SMCO2: variants seen among roughly 807,000 people sequenced by gnomAD.
SMCO2 encodes the protein single-pass membrane protein with coiled-coil domains 2.
In SMCO2, 25 loss-of-function variants were observed where a neutral mutation model predicts 29.5. The ratio of observed to expected loss-of-function variants is 0.85; its 90% CI spans 0.62 to 1.18. SMCO2 has a LOEUF of 1.18. Ranked by LOEUF, SMCO2 falls within the 50% of genes most tolerant of loss-of-function variation. SMCO2 has a pLI of 0.00. For synonymous variants in SMCO2, 117 were observed against 123.3 expected, an observed-to-expected ratio of 0.95 and a Z score of 0.34; for missense variants, 348 against 344.5, an observed-to-expected ratio of 1.01 and a Z score of -0.08.
exon 2 of SMCO2, chr12:27,470,704 C>T: frequency 6.4e-7 from 1 of 1,551,192 alleles, no homozygotes; most frequent in Non-Finnish European, 8.7e-7. Flanking sequence ...GGAACAACAG[C>T]TGACTAAGAA....
chr12:27,475,593 G>C, intron 4 of SMCO2: 1 of 1,539,542 alleles, frequency 6.5e-7, no homozygotes, highest in African/African-American at 1.4e-5. Flanking sequence ...TGTCTGAAGG[G>C]CATGTTCCTC....
chr12:27,430,304 G>A, the SMCO2 span, among the ~76,000 whole-genome samples: 1 of 152,132 alleles, frequency 6.6e-6, no homozygotes, highest in Admixed American at 6.5e-5. Flanking sequence ...TTTCCATTAT[G>A]TGATAGTATA....
chr12:27,485,839 G>T (rs180901547), intron 4 of SMCO2, among the ~76,000 whole-genome samples: 1 of 152,084 alleles, frequency 6.6e-6, no homozygotes, highest in Non-Finnish European at 1.5e-5. Context: ...ACCTCATTTG[G>T]TTTTGAGTAT....
At chr12:27,493,211 A>G (rs1319934349) in intron 5 of SMCO2, among the ~76,000 whole-genome samples, 1 of 152,126 alleles carries the variant, frequency 6.6e-6, no homozygotes. Context: ...AGAAGAGGAG[A>G]AGGGGTAACT....
At chr12:27,457,207 G>A in the SMCO2 span, among the ~76,000 whole-genome samples, 5 of 152,022 alleles carry the variant, frequency 3.3e-5, no homozygotes, top group African/African-American at 9.7e-5. Context: ...TCCCCAGGCC[G>A]CACACATTAC....
intron 1 of SMCO2, 64 bp from the exon 2 acceptor site, chr12:27,470,558 T>C (rs754510166): frequency 3.3e-6 from 5 of 1,508,164 alleles, no homozygotes; most frequent in Non-Finnish European, 4.5e-6. Flanking sequence ...CTGGTGTCAA[T>C]GAAGAGGATG....
the SMCO2 span, chr12:27,424,086 G>A: frequency 6.6e-6 from 1 of 152,142 alleles, no homozygotes; most frequent in South Asian, 2.1e-4. Flanking sequence ...ATTAAAATTA[G>A]TTCTACTTGT....
At chr12:27,432,878 T>C in the SMCO2 span, among the ~76,000 whole-genome samples, 2 of 152,230 alleles carry the variant, frequency 1.3e-5, no homozygotes, top group African/African-American at 4.8e-5. Context: ...CCCAGACAAA[T>C]TCTTTCACTG....
At chr12:27,435,455 A>T in the SMCO2 span, among the ~76,000 whole-genome samples, 1 of 150,582 alleles carries the variant, frequency 6.6e-6, no homozygotes, top group South Asian at 2.1e-4. Context: ...GCAGGAAAAA[A>T]ACATTCTCCT....
At chr12:27,447,247 G>A in the SMCO2 span, among the ~76,000 whole-genome samples, 2 of 152,038 alleles carry the variant, frequency 1.3e-5, no homozygotes, top group Admixed American at 6.5e-5. Context: ...ACCACCTCAT[G>A]CCCCACAGTC....
At chr12:27,441,020 G>A in the SMCO2 span, among the ~76,000 whole-genome samples, 2 of 152,184 alleles carry the variant, frequency 1.3e-5, no homozygotes, top group Non-Finnish European at 2.9e-5. Flanking sequence ...TACTTTGGGA[G>A]GCTGAGGTGG....
chr12:27,447,395 C>G, the SMCO2 span, among the ~76,000 whole-genome samples: 1 of 152,086 alleles, frequency 6.6e-6, no homozygotes, highest in Non-Finnish European at 1.5e-5. Context: ...CTTTCTTGCT[C>G]TTCAGAGCCT....
the SMCO2 span, among the ~76,000 whole-genome samples, chr12:27,456,462 G>A: frequency 6.6e-6 from 1 of 152,058 alleles, no homozygotes; most frequent in Non-Finnish European, 1.5e-5. Context: ...GTCGGCAGAG[G>A]GGGGAGGAAT....
chr12:27,497,481 C>T (rs1241127532), intron 7 of SMCO2: 1 of 194,820 alleles, frequency 5.1e-6, no homozygotes, highest in African/African-American at 2.5e-5. Context: ...TAGCTCATGC[C>T]TATAATCCAA....
At chr12:27,477,634 C>CTTTTTTTTTTTT (rs3051833) in intron 4 of SMCO2, among the ~76,000 whole-genome samples, 15 of 109,642 alleles carry the variant, frequency 1.4e-4, no homozygotes, top group South Asian at 6.0e-4. Flanking sequence ...CTTTTTCATT[C>CTTTTTTTTTTTT]TTTTTTTTTT....
chr12:27,498,837 T>C (rs1943042794), intron 7 of SMCO2, among the ~76,000 whole-genome samples: 1 of 149,762 alleles, frequency 6.7e-6, no homozygotes, highest in Non-Finnish European at 1.5e-5. Context: ...ATGTTCAGCA[T>C]CATTGGTCAT....
At chr12:27,466,286 CCTG>C (rs944690144), upstream of SMCO2, among the ~76,000 whole-genome samples, 4 of 152,078 alleles carry the variant, frequency 2.6e-5, no homozygotes, top group African/African-American at 9.7e-5. Flanking sequence ...GCCAAGTGGG[CCTG>C]TAATCCCAGC....
chr12:27,459,264 C>T, the SMCO2 span, among the ~76,000 whole-genome samples: 2 of 151,268 alleles, frequency 1.3e-5, no homozygotes, highest in African/African-American at 4.8e-5. Flanking sequence ...GTACCACAGA[C>T]TACTACATAG....
At chr12:27,470,229 A>G (rs1949529373) in intron 1 of SMCO2, among the ~76,000 whole-genome samples, 1 of 152,220 alleles carries the variant, frequency 6.6e-6, no homozygotes, top group South Asian at 2.1e-4. Context: ...TCTCTGAAGT[A>G]CCAATGATTT....
Sources: gnomAD v4.1 joint callset for allele counts (sites outside exome capture counted in the v4.1 genomes callset) on GRCh38, gnomAD v4.1.1 for gene constraint, MANE v1.5 for transcripts, NCBI Gene and HGNC (gene_info 2026-07-23, HGNC 2026-07-21) for gene names.